Variants in HTR2A observed in about 807,000 individuals in gnomAD.
HTR2A encodes 5-hydroxytryptamine receptor 2A.
Under a neutral mutation model 31.0 loss-of-function variants are expected in HTR2A, and 14 were observed. That is an observed-to-expected ratio of 0.45 (90% CI 0.30 to 0.71). The LOEUF is 0.71. HTR2A is among the 30% of genes least tolerant of loss of function. HTR2A has a pLI of 0.09. For missense variants in HTR2A, 442 were observed against 573.3 expected (o/e 0.77, Z 2.34); for synonymous variants, 209 against 225.2 (o/e 0.93, Z 0.64).
intron 3 of HTR2A, among the ~76,000 whole-genome samples, chr13:46,876,505 G>C (rs1488875998): frequency 1.3e-5 from 2 of 148,354 alleles, no homozygotes; most frequent in African/African-American, 5.0e-5. Flanking sequence ...CGCCTCCCGG[G>C]TTCACGCCAT....
At chr13:46,873,436 A>C (rs1273234428) in intron 3 of HTR2A, among the ~76,000 whole-genome samples, 1 of 64,098 alleles carries the variant, frequency 1.6e-5, no homozygotes, top group African/African-American at 3.7e-5. Context: ...ATTTATTATT[A>C]TTATTATTAT....
chr13:46,879,672 G>A (rs547593625), intron 3 of HTR2A, among the ~76,000 whole-genome samples: 2 of 152,274 alleles, frequency 1.3e-5, no homozygotes, highest in East Asian at 3.9e-4. Context: ...TTAGACAGTG[G>A]CAATCAAAGG....
At chr13:46,863,718 A>G (rs1950799981) in intron 3 of HTR2A, among the ~76,000 whole-genome samples, 1 of 151,246 alleles carries the variant, frequency 6.6e-6, no homozygotes, top group African/African-American at 2.4e-5. Context: ...CAAAACCACA[A>G]TGAGATACCA....
intron 1 of HTR2A, 35 bp downstream of exon 1, chr13:46,896,639 A>G: frequency 1.4e-6 from 2 of 1,445,194 alleles, no homozygotes; most frequent in Non-Finnish European, 1.8e-6. Flanking sequence ...AAAGAAAATT[A>G]CACAGCAATA....
At chr13:46,880,279 T>C (rs184128218) in intron 3 of HTR2A, among the ~76,000 whole-genome samples, 1 of 152,140 alleles carries the variant, frequency 6.6e-6, no homozygotes, top group Non-Finnish European at 1.5e-5. Context: ...CTTAGCTCCT[T>C]GCATGGTGAC....
chr13:46,844,883 T>C (rs1341021446), intron 3 of HTR2A, among the ~76,000 whole-genome samples: 1 of 152,190 alleles, frequency 6.6e-6, no homozygotes, highest in Non-Finnish European at 1.5e-5. Context: ...AGCAGTGAGA[T>C]GATGAGTCTG....
At position 46,895,474 on chromosome 13, in the gene HTR2A, T is replaced by G; in HGVS notation, c.412+21A>C. ...TCTTTATTACCAGTGCGAATATAGC[T>G]GGGAAACTAATGCCACTCACCATAC... On this transcript the variant is annotated intron_variant, in intron 2 of 3. Transcript: ENST00000542664. This position sits in a 1 kb window ranked among gnomAD's most constrained non-coding sequence, Gnocchi z 4.4. 6.2e-7 allele frequency: 1 copy of G among 1,607,514 alleles called. No homozygotes were observed. The highest frequency in any genetic ancestry group is 2.2e-5 in the East Asian group (1 of 44,794).
intron 3 of HTR2A, among the ~76,000 whole-genome samples, chr13:46,858,157 C>T (rs935244249): frequency 1.3e-5 from 2 of 151,972 alleles, no homozygotes; most frequent in African/African-American, 2.4e-5. Flanking sequence ...CTCTGTGGAG[C>T]TTGAGAACTT....
intron 3 of HTR2A, among the ~76,000 whole-genome samples, chr13:46,859,361 T>C (rs1950763699): frequency 6.6e-6 from 1 of 152,204 alleles, no homozygotes; most frequent in Admixed American, 6.5e-5. Context: ...CTGTCATCCA[T>C]GCCATTTCAT....
chr13:46,856,503 T>C (rs116261225), intron 3 of HTR2A, among the ~76,000 whole-genome samples: 104 of 152,222 alleles, frequency 6.8e-4, no homozygotes, highest in African/African-American at 2.4e-3. Context: ...GATGCAGGTC[T>C]TCTAAATGGA....
At chr13:46,859,862 T>C (rs1015904292) in intron 3 of HTR2A, among the ~76,000 whole-genome samples, 1 of 152,194 alleles carries the variant, frequency 6.6e-6, no homozygotes, top group African/African-American at 2.4e-5. Flanking sequence ...TTTACCTGAG[T>C]ATAGCCAGTG....
intron 3 of HTR2A, among the ~76,000 whole-genome samples, chr13:46,872,808 G>A (rs1314581243): frequency 1.3e-5 from 2 of 152,180 alleles, no homozygotes; most frequent in Non-Finnish European, 2.9e-5. Flanking sequence ...GCTTCTCAGA[G>A]TGTCCCAATT....
chr13:46,855,791 T>C (rs751600884), intron 3 of HTR2A, among the ~76,000 whole-genome samples: 2 of 152,194 alleles, frequency 1.3e-5, no homozygotes, highest in Admixed American at 6.5e-5. Flanking sequence ...ACTAGCCAGA[T>C]CAGCTGATAG....
intron 3 of HTR2A, among the ~76,000 whole-genome samples, chr13:46,874,591 G>C (rs1211448416): frequency 6.6e-6 from 1 of 152,216 alleles, no homozygotes; most frequent in Non-Finnish European, 1.5e-5. Flanking sequence ...GACAGATACT[G>C]TCTTGCATTG....
intron 3 of HTR2A, among the ~76,000 whole-genome samples, chr13:46,882,795 T>C (rs1950976503): frequency 6.6e-6 from 1 of 152,244 alleles, no homozygotes; most frequent in African/African-American, 2.4e-5. Context: ...TTACTCAATC[T>C]TTAACCTCAT....
chr13:46,879,087 C>G (rs778514502), intron 3 of HTR2A, among the ~76,000 whole-genome samples: 1 of 152,188 alleles, frequency 6.6e-6, no homozygotes, highest in African/African-American at 2.4e-5. Flanking sequence ...AAAGGATATA[C>G]ACATGGATGG....
intron 3 of HTR2A, among the ~76,000 whole-genome samples, chr13:46,836,190 T>A (rs1022457146): frequency 1.3e-4 from 19 of 151,780 alleles, no homozygotes; most frequent in African/African-American, 2.9e-4. Context: ...GTATCTTTTT[T>A]AAAAAATCTA....
intron 3 of HTR2A, among the ~76,000 whole-genome samples, chr13:46,869,439 G>A (rs1166061213): frequency 6.6e-6 from 1 of 152,094 alleles, no homozygotes; most frequent in Admixed American, 6.6e-5. Context: ...TATTGTTGAG[G>A]ACTTGGAGAA....
chr13:46,835,569 T>C lies in HTR2A; in HGVS notation c.684A>G (p.Leu228=). Residue 228 remains leucine (L), a synonymous_variant, in exon 4 of 4, where the codon TTA becomes TTG. Transcript: ENST00000542664. Reference sequence around the variant, plus strand: ...TCAGGACAAAGTTATCATCGGCGAGTAAGCAACTCCCCTCCTTAAAGACCT... The same window carrying C: ...TCAGGACAAAGTTATCATCGGCGAGCAAGCAACTCCCCTCCTTAAAGACCT... ...DSKVFKEGSC[L]LADDNFVLIG... is the part of the protein sequence containing the mutation. The C allele has an allele frequency of 6.8e-6, 11 of 1,614,006 alleles. No homozygotes were observed. Among genetic ancestry groups the C allele is most frequent in the South Asian group, 1.1e-5 (1 of 91,080 alleles).
Sources: gnomAD v4.1 joint callset for allele counts (sites outside exome capture counted in the v4.1 genomes callset) on GRCh38, gnomAD v4.1.1 for gene constraint, Gnocchi (gnomAD v3.1) non-coding constraint, MANE v1.5 for transcripts, NCBI Gene and HGNC (gene_info 2026-07-23, HGNC 2026-07-21) for gene names.